SPOCK1: variants seen among roughly 807,000 people sequenced by gnomAD.
SPOCK1 encodes the protein SPARC (osteonectin), cwcv and kazal like domains proteoglycan 1, also known as testican-1.
SPOCK1 carries 23 observed loss-of-function variants against 55.3 expected under a neutral mutation model. That is an observed-to-expected ratio of 0.42 (90% confidence interval 0.30 to 0.59). The LOEUF (loss-of-function observed/expected upper bound fraction) is 0.59. Ranked by LOEUF, SPOCK1 falls within the 20% of genes least tolerant of loss-of-function variation. SPOCK1 has a pLI of 0.22. For synonymous variants in SPOCK1, 226 were observed against 221.0 expected (o/e 1.02, Z -0.20); for missense variants, 499 against 552.5 (o/e 0.90, Z 0.97).
intron 3 of SPOCK1, among the ~76,000 whole-genome samples, chr5:137,257,383 C>T (rs1305091077): frequency 6.6e-6 from 1 of 152,018 alleles, no homozygotes; most frequent in Non-Finnish European, 1.5e-5. Flanking sequence ...TGAGGGTGAA[C>T]CCTCTTGGAT....
chr5:137,205,278 G>A (rs17721921), intron 3 of SPOCK1, among the ~76,000 whole-genome samples: 60,226 of 152,008 alleles, frequency 0.4, 13,080 homozygotes, highest in Non-Finnish European at 0.48. Context: ...GTTTCAGAAT[G>A]AAAAGAAAAG....
intron 2 of SPOCK1, among the ~76,000 whole-genome samples, chr5:137,424,571 A>G (rs1372004282): frequency 2.0e-5 from 3 of 152,204 alleles, no homozygotes; most frequent in African/African-American, 7.2e-5. Context: ...GCTCATGACA[A>G]CCCTACTCAT....
intron 3 of SPOCK1, among the ~76,000 whole-genome samples, chr5:137,172,780 G>A (rs548182239): frequency 1.1e-3 from 161 of 152,230 alleles, no homozygotes; most frequent in Non-Finnish European, 2.1e-3. Context: ...CCAGTAAGTG[G>A]GATGCAACTG....
Position 137,385,431 on chromosome 5 carries a change from T to C in SPOCK1, c.186+112942A>G, listed in dbSNP as rs547431391. Among the ~76,000 whole-genome samples, 5 of 152,320 alleles carry C rather than the reference T, an allele frequency of 3.3e-5. No homozygotes were observed. The South Asian group carries it at 1.0e-3, about 32-fold the overall frequency. ...TGTAAAACAGGAATATGACCAGCTT[T>C]GTAGGAATGTTAAACACACTTCAGA... On this transcript the variant is annotated intron_variant, in intron 2 of 10. Transcript: ENST00000394945.
intron 3 of SPOCK1, among the ~76,000 whole-genome samples, chr5:137,159,771 T>G (rs1754488867): frequency 6.6e-6 from 1 of 152,178 alleles, no homozygotes; most frequent in South Asian, 2.1e-4. Context: ...TTCCATATCT[T>G]TGCAATTATG....
chr5:137,106,402 A>G (rs2127028608), intron 5 of SPOCK1, among the ~76,000 whole-genome samples: 1 of 152,288 alleles, frequency 6.6e-6, no homozygotes, highest in South Asian at 2.1e-4. Flanking sequence ...AACAGAAAAG[A>G]AAGGAAAGGA....
intron 3 of SPOCK1, among the ~76,000 whole-genome samples, chr5:137,250,518 C>T (rs765265222): frequency 3.3e-5 from 5 of 152,110 alleles, no homozygotes; most frequent in Non-Finnish European, 5.9e-5. Flanking sequence ...ATGTCTGAGT[C>T]CGTTCATAGA....
chr5:137,122,240 T>TACAC (rs772246376), intron 4 of SPOCK1, among the ~76,000 whole-genome samples: 4,344 of 132,968 alleles, frequency 0.033, 106 homozygotes, highest in African/African-American at 0.065. Context: ...AAAGCAGTTA[T>TACAC]ACACACACAC....
intron 2 of SPOCK1, among the ~76,000 whole-genome samples, chr5:137,323,278 C>T (rs1034994727): frequency 5.3e-5 from 8 of 151,898 alleles, no homozygotes; most frequent in Non-Finnish European, 8.8e-5. Flanking sequence ...AGACTATTTG[C>T]TTATTTTAGA....
At chr5:137,065,720 TTAACTTAG>T (rs1329654275) in intron 6 of SPOCK1, among the ~76,000 whole-genome samples, 1 of 152,232 alleles carries the variant, frequency 6.6e-6, no homozygotes, top group Non-Finnish European at 1.5e-5. Context: ...TCTCTCACCA[TTAACTTAG>T]TAGTCTGTGC....
At chr5:137,350,843 A>G (rs532622685) in intron 2 of SPOCK1, among the ~76,000 whole-genome samples, 3 of 151,878 alleles carry the variant, frequency 2.0e-5, no homozygotes, top group Non-Finnish European at 4.4e-5. Context: ...GTGTGTGTGT[A>G]ATGTAGCATC....
intron 4 of SPOCK1, among the ~76,000 whole-genome samples, chr5:137,140,074 G>A (rs1754064265): frequency 1.3e-5 from 2 of 152,186 alleles, no homozygotes; most frequent in Non-Finnish European, 1.5e-5. Context: ...CAGAAGGAAT[G>A]GTGGTGTGGT....
At chr5:137,349,100 T>C (rs888624410) in intron 2 of SPOCK1, among the ~76,000 whole-genome samples, 1 of 152,196 alleles carries the variant, frequency 6.6e-6, no homozygotes, top group Admixed American at 6.5e-5. Flanking sequence ...CTCTGAAGAA[T>C]TGAAAGGCAG....
chr5:137,195,286 CT>C (rs1235239893), intron 3 of SPOCK1, among the ~76,000 whole-genome samples: 1 of 152,222 alleles, frequency 6.6e-6, no homozygotes, highest in Non-Finnish European at 1.5e-5. Context: ...GAGCCTCTGC[CT>C]ATTTAGTGGT....
In SPOCK1 at chr5:136,976,817, T is replaced by TTATC. The variant is rs556701331; in HGVS notation, c.*1833_*1836dup. On this transcript the variant is annotated 3_prime_UTR_variant, in exon 11 of 11. Coordinates refer to ENST00000394945, the MANE Select transcript of SPOCK1 (RefSeq NM_004598.4). Reference sequence around the variant, plus strand: ...TTTGCTATATCAAGTAGTTCATTTCTTATCTAAGACCAACTATAGGTATGA... The same window carrying TTATC: ...TTTGCTATATCAAGTAGTTCATTTCTTATCTATCTAAGACCAACTATAGGTATGA... 5 of 152,234 alleles carry TTATC rather than the reference T, an allele frequency of 3.3e-5. No individual in the cohort carries two copies. Among genetic ancestry groups the TTATC allele is most frequent in the Non-Finnish European group, 7.3e-5 (5 of 68,038 alleles). The allele number at this position is 152,234 out of a possible 1,614,324, so 9.4% of individuals were successfully genotyped here. A position where few individuals can be genotyped will look rare whatever the true frequency, so the allele number is the denominator to read the frequency against.
At chr5:137,417,633 G>A (rs1352680927) in intron 2 of SPOCK1, among the ~76,000 whole-genome samples, 1 of 152,026 alleles carries the variant, frequency 6.6e-6, no homozygotes, top group Non-Finnish European at 1.5e-5. Flanking sequence ...ATTAAAGTCT[G>A]TACTTTTTGT....
intron 2 of SPOCK1, among the ~76,000 whole-genome samples, chr5:137,396,609 C>A (rs1476708050): frequency 6.6e-6 from 1 of 152,198 alleles, no homozygotes; most frequent in Non-Finnish European, 1.5e-5. Context: ...GAGCACACAT[C>A]TAGGTTGTGA....
At chr5:137,301,062 T>A (rs966030091) in intron 2 of SPOCK1, among the ~76,000 whole-genome samples, 7 of 152,196 alleles carry the variant, frequency 4.6e-5, no homozygotes, top group African/African-American at 7.2e-5. Flanking sequence ...AACAGAGACA[T>A]CCCTGGGAAT....
chr5:137,317,211 C>T (rs1757894437), intron 2 of SPOCK1, among the ~76,000 whole-genome samples: 1 of 152,200 alleles, frequency 6.6e-6, no homozygotes, highest in African/African-American at 2.4e-5. Context: ...GTTTTCACTA[C>T]AGCTAGATAA....
Sources: allele counts gnomAD v4.1 joint callset (sites outside exome capture counted in the v4.1 genomes callset), GRCh38; gene constraint gnomAD v4.1.1; transcripts MANE v1.5; gene names NCBI Gene and HGNC (gene_info 2026-07-23, HGNC 2026-07-21).